Variants in ZBTB7C observed in about 807,000 individuals in gnomAD.
ZBTB7C encodes zinc finger and BTB domain-containing protein 7C.
ZBTB7C carries 8 observed loss-of-function variants against 25.7 expected under a neutral mutation model. The observed-to-expected ratio is 0.31, with a 90% confidence interval of 0.18 to 0.56. The LOEUF is 0.56. Among genes scored for constraint, ZBTB7C ranks in the 20% least tolerant of loss-of-function variants. The pLI is 0.91. For synonymous variants in ZBTB7C, 394 were observed against 369.0 expected, an observed-to-expected ratio of 1.07 and a Z score of -0.78; for missense variants, 824 against 855.2, an observed-to-expected ratio of 0.96 and a Z score of 0.46.
At position 48,040,253 on chromosome 18, in the gene ZBTB7C, C is replaced by A; in HGVS notation, c.855G>T (p.Lys285Asn). 6.4e-7 allele frequency: 1 copy of A among 1,561,296 alleles called. No individual in the cohort carries two copies. The highest frequency in any genetic ancestry group is 2.2e-5 in the East Asian group (1 of 44,598). Residue 285 changes from lysine to asparagine, a missense_variant, in exon 4 of 5, where the codon AAG becomes AAT. Around this residue, in one of 4 missense-constraint regions of ZBTB7C, gnomAD observed 316 missense variants for 299.2 expected, o/e 1.06. Coordinates refer to ENST00000590800, the MANE Select transcript of ZBTB7C (RefSeq NM_001318841.2). ...TCTCCTCCTCCTTGATCTTCCGATT[C>A]TTGATGACCAGATCCAGTGGCCCAC... ...MDSGPLDLVI[K>N]NRKIKEEEKE...
chr18:48,157,902 G>A (rs917388535), intron 3 of ZBTB7C, among the ~76,000 whole-genome samples: 2 of 152,170 alleles, frequency 1.3e-5, no homozygotes. Flanking sequence ...CATCCTGTGG[G>A]AGAAATTCAA....
At chr18:48,145,622 G>A (rs1447624390) in intron 3 of ZBTB7C, among the ~76,000 whole-genome samples, 1 of 152,212 alleles carries the variant, frequency 6.6e-6, no homozygotes, top group Non-Finnish European at 1.5e-5. Flanking sequence ...AGGAAGTGGG[G>A]CAATGACGAG....
chr18:48,403,190 T>C (rs1324930431), intron 1 of ZBTB7C, among the ~76,000 whole-genome samples: 1 of 152,040 alleles, frequency 6.6e-6, no homozygotes, highest in Non-Finnish European at 1.5e-5. Context: ...AAGAAGTAAA[T>C]AAACAGAGAC....
intron 1 of ZBTB7C, among the ~76,000 whole-genome samples, chr18:48,340,185 A>T (rs2144966248): frequency 6.6e-6 from 1 of 152,348 alleles, no homozygotes; most frequent in East Asian, 1.9e-4. Context: ...TTCTCATGAC[A>T]TAGAGAAACT....
At chr18:48,101,494 C>G (rs67363316) in intron 3 of ZBTB7C, among the ~76,000 whole-genome samples, 25,372 of 152,172 alleles carry the variant, frequency 0.17, 2,568 homozygotes, top group South Asian at 0.35. Flanking sequence ...CACACCACAT[C>G]TTATAGCTCA....
chr18:48,338,920 G>T (rs972522336), intron 1 of ZBTB7C, among the ~76,000 whole-genome samples: 2 of 151,814 alleles, frequency 1.3e-5, no homozygotes, highest in East Asian at 1.9e-4. Context: ...TTGGGGGGGG[G>T]GGGTCCAGGT....
chr18:48,247,662 C>A (rs980334477), intron 2 of ZBTB7C, among the ~76,000 whole-genome samples: 1 of 152,212 alleles, frequency 6.6e-6, no homozygotes, highest in African/African-American at 2.4e-5. Flanking sequence ...TGTGTCCCCA[C>A]CCAAATCTCA....
chr18:48,035,397 C>T (rs1453641421), intron 4 of ZBTB7C, among the ~76,000 whole-genome samples: 2 of 152,246 alleles, frequency 1.3e-5, no homozygotes. Context: ...TCTCTGGGAG[C>T]CAGGCTGTGA....
At chr18:48,282,540 T>A (rs1171026396) in intron 2 of ZBTB7C, among the ~76,000 whole-genome samples, 2 of 152,150 alleles carry the variant, frequency 1.3e-5, no homozygotes, top group Non-Finnish European at 2.9e-5. Context: ...TTTACAATAA[T>A]TTACCAGGAG....
At chr18:48,395,519 T>C (rs1051016828) in intron 1 of ZBTB7C, among the ~76,000 whole-genome samples, 1 of 151,570 alleles carries the variant, frequency 6.6e-6, no homozygotes, top group East Asian at 1.9e-4. Flanking sequence ...GTGATGTGTA[T>C]GAAGGTGGAT....
At chr18:48,357,721 C>T (rs1228178112) in intron 1 of ZBTB7C, among the ~76,000 whole-genome samples, 1 of 152,220 alleles carries the variant, frequency 6.6e-6, no homozygotes, top group Non-Finnish European at 1.5e-5. Flanking sequence ...CTGGTAATAA[C>T]AAACACCCCA....
chr18:48,233,190 G>T (rs1440725860), intron 2 of ZBTB7C, among the ~76,000 whole-genome samples: 1 of 151,958 alleles, frequency 6.6e-6, no homozygotes, highest in Non-Finnish European at 1.5e-5. Context: ...GTGGGAGTGG[G>T]TTTATTATAA....
chr18:48,222,236 C>T (rs2042981552), intron 2 of ZBTB7C, among the ~76,000 whole-genome samples: 1 of 152,162 alleles, frequency 6.6e-6, no homozygotes. Context: ...ACCCTCTTGC[C>T]TCTAGGAAAG....
intron 3 of ZBTB7C, among the ~76,000 whole-genome samples, chr18:48,108,067 C>A (rs1029606967): frequency 1.3e-5 from 2 of 152,132 alleles, no homozygotes; most frequent in South Asian, 2.1e-4. Context: ...CTTCACATGG[C>A]GTCTGAGGCT....
intron 3 of ZBTB7C, among the ~76,000 whole-genome samples, chr18:48,087,031 T>C (rs1396654476): frequency 3.3e-5 from 5 of 152,202 alleles, no homozygotes; most frequent in Non-Finnish European, 7.3e-5. Context: ...TGATCCTCAT[T>C]TTCCAGATGA....
chr18:48,092,552 C>T (rs537679707), intron 3 of ZBTB7C, among the ~76,000 whole-genome samples: 1 of 152,298 alleles, frequency 6.6e-6, no homozygotes, highest in Non-Finnish European at 1.5e-5. Context: ...GGAAAGCAAA[C>T]TGGAAACCTA....
At chr18:48,167,563 G>GGTGTGTGTGTGTGTGTTTGTGTGT (rs1555705393) in intron 3 of ZBTB7C, among the ~76,000 whole-genome samples, 5,447 of 142,450 alleles carry the variant, frequency 0.038, 122 homozygotes, top group Non-Finnish European at 0.046. Flanking sequence ...GCATTGCTAG[G>GGTGTGTGTGTGTGTGTTTGTGTGT]GTGTGTGTGT....
intron 2 of ZBTB7C, among the ~76,000 whole-genome samples, chr18:48,336,323 C>G (rs184322510): frequency 1.3e-5 from 2 of 152,242 alleles, no homozygotes; most frequent in Admixed American, 6.5e-5. Flanking sequence ...TCTCACCCCC[C>G]ACCAGACTGT....
chr18:48,114,140 A>G (rs2039341863), intron 3 of ZBTB7C, among the ~76,000 whole-genome samples: 1 of 152,106 alleles, frequency 6.6e-6, no homozygotes, highest in South Asian at 2.1e-4. Flanking sequence ...AAATATCCAC[A>G]CTATAGGTGA....
Sources: gnomAD v4.1 joint callset for allele counts (sites outside exome capture counted in the v4.1 genomes callset) on GRCh38, gnomAD v4.1.1 for gene constraint, gnomAD v4.1.1 regional missense constraint, MANE v1.5 for transcripts, NCBI Gene and HGNC (gene_info 2026-07-23, HGNC 2026-07-21) for gene names.